ACOT8: variants seen among roughly 807,000 people sequenced by gnomAD.
ACOT8 encodes acyl-CoA thioesterase 8, also known as acyl-coenzyme A thioesterase 8.
Under a neutral mutation model 38.4 loss-of-function variants are expected in ACOT8, and 31 were observed. The observed-to-expected ratio is 0.81, with a 90% CI of 0.61 to 1.09. The LOEUF is 1.09. Ranked by LOEUF, ACOT8 falls within the 50% of genes least tolerant of loss-of-function variation. The pLI, the probability that ACOT8 is intolerant of heterozygous loss-of-function variation, is 0.00. For synonymous variants in ACOT8, 158 were observed against 170.3 expected, an observed-to-expected ratio of 0.93 and a Z score of 0.56; for missense variants, 373 against 421.8, an observed-to-expected ratio of 0.88 and a Z score of 1.01.
At chr20:45,843,320 T>C (rs1320730178) in intron 5 of ACOT8, 1 of 781,818 alleles carries the variant, frequency 1.3e-6, no homozygotes, top group Admixed American at 2.0e-5. Context: ...GAATCACATT[T>C]CCAGCACATT....
intron 2 of ACOT8, among the ~76,000 whole-genome samples, chr20:45,853,044 C>T (rs1985165731): frequency 6.6e-6 from 1 of 152,250 alleles, no homozygotes; most frequent in South Asian, 2.1e-4. Context: ...GCTAGGATTA[C>T]AGGCATGAGC....
intron 2 of ACOT8, among the ~76,000 whole-genome samples, chr20:45,854,360 C>T (rs753781018): frequency 6.6e-6 from 1 of 150,510 alleles, no homozygotes; most frequent in Admixed American, 6.6e-5. Flanking sequence ...CAGGCACCCA[C>T]CACCACACCT....
At chr20:45,843,196 C>A in intron 5 of ACOT8, 1 of 493,064 alleles carries the variant, frequency 2.0e-6, no homozygotes, top group Middle Eastern at 6.9e-4. Context: ...TGTAATGTAA[C>A]CCTCTTTGTT....
chr20:45,843,868 G>C, intron 4 of ACOT8, 147 bp from the exon 5 acceptor site: 1 of 1,423,638 alleles, frequency 7.0e-7, no homozygotes, highest in Non-Finnish European at 9.2e-7. Context: ...GTGTGTGATA[G>C]GGGAGAAGTG....
chr20:45,842,670 A>G (rs1293354889), intron 5 of ACOT8: 1 of 989,540 alleles, frequency 1.0e-6, no homozygotes, highest in Non-Finnish European at 1.2e-6. Flanking sequence ...CAGTTCTCAC[A>G]GTAGCCAAAT....
At chr20:45,855,102 C>T in intron 2 of ACOT8, 57 bp downstream of exon 2, 1 of 1,600,994 alleles carries the variant, frequency 6.2e-7, no homozygotes. Flanking sequence ...GCCCCCAAGG[C>T]CAGAAATGGC....
At position 45,851,966 on chromosome 20, in the gene ACOT8, T is replaced by C. The variant is rs1234008521; in HGVS notation, c.262+3193A>G. Among the ~76,000 whole-genome samples the C allele has an allele frequency of 2.0e-5, 3 of 152,154 alleles. No individual in the cohort carries two copies. In the South Asian group the frequency reaches 6.2e-4, roughly 31 times the overall value. ...CCCTCCCCCATAACATCTTTTATTTTTAAAATGTAATTGAAACATCTCTTT... is the reference window on the plus strand; with the variant it reads ...CCCTCCCCCATAACATCTTTTATTTCTAAAATGTAATTGAAACATCTCTTT... On this transcript the variant is annotated intron_variant, in intron 2 of 5. Coordinates refer to ENST00000217455, the MANE Select transcript of ACOT8 (RefSeq NM_005469.4).
intron 2 of ACOT8, among the ~76,000 whole-genome samples, chr20:45,850,625 A>G (rs1394177896): frequency 6.6e-6 from 1 of 152,198 alleles, no homozygotes; most frequent in Non-Finnish European, 1.5e-5. Context: ...TTGGTCCTTC[A>G]CTGTCAGGTG....
chr20:45,844,407 G>A lies in ACOT8; in HGVS notation c.502C>T (p.Gln168Ter). ...IDQYLRDPNL[Q>*]KRYPLALNRI... ...TTGAGCGCCAATGGGTACCTCTTTTGGAGGTTAGGGTCCCTGAAAGTAAAG... is the reference window on the plus strand; with the variant it reads ...TTGAGCGCCAATGGGTACCTCTTTTAGAGGTTAGGGTCCCTGAAAGTAAAG... The change falls in exon 4 of 6, where the codon CAA becomes TAA. Residue 168 changes from glutamine to a stop codon, truncating the protein, a stop_gained. Coordinates refer to ENST00000217455, the MANE Select transcript of ACOT8 (RefSeq NM_005469.4). LOFTEE classifies it high-confidence loss of function. The A allele has an allele frequency of 6.2e-7, 1 of 1,614,000 alleles. No homozygotes were observed. Among genetic ancestry groups the A allele is most frequent in the Non-Finnish European group, 8.5e-7 (1 of 1,179,982 alleles).
intron 5 of ACOT8, chr20:45,843,072 C>T (rs1601086948): frequency 8.6e-7 from 1 of 1,158,328 alleles, no homozygotes; most frequent in East Asian, 6.0e-5. Flanking sequence ...ATACAGTTTC[C>T]TGGACCTTAT....
chr20:45,857,217 G>A lies in ACOT8; in HGVS notation c.99C>T (p.Asn33=). 6.2e-7 allele frequency: 1 copy of A among 1,613,598 alleles called. No individual in the cohort carries two copies. The highest frequency in any genetic ancestry group is 8.5e-7 in the Non-Finnish European group (1 of 1,179,886). ...AGAGATCCTCGTCCAGCGGCTCGAG[G>A]TTGAGCACGGTCGTGACCAAGACGC... ...LRSVLVTTVL[N]LEPLDEDLFR... Residue 33 remains asparagine, a synonymous_variant, in exon 1 of 6, where the codon AAC becomes AAT. Coordinates refer to ENST00000217455, the MANE Select transcript of ACOT8 (RefSeq NM_005469.4).
chr20:45,845,232 G>C (rs1284621735), intron 3 of ACOT8, among the ~76,000 whole-genome samples: 5 of 152,264 alleles, frequency 3.3e-5, no homozygotes, highest in Admixed American at 3.3e-4. Context: ...GGGATTACAG[G>C]CGCCTGCCAC....
chr20:45,845,329 C>T (rs971436637), intron 3 of ACOT8, among the ~76,000 whole-genome samples: 6 of 151,960 alleles, frequency 3.9e-5, no homozygotes, highest in Non-Finnish European at 7.4e-5. Flanking sequence ...CCTCATGATC[C>T]GCCCGCCTCA....
chr20:45,845,065 C>T (rs1290284281), intron 3 of ACOT8, among the ~76,000 whole-genome samples: 1 of 152,052 alleles, frequency 6.6e-6, no homozygotes, highest in Non-Finnish European at 1.5e-5. Flanking sequence ...TAGAGGTGTA[C>T]GCCACTGTGC....
chr20:45,844,401 T>G lies in ACOT8; in HGVS notation c.508A>C (p.Arg170=), dbSNP rs1390877653. The G allele has an allele frequency of 6.2e-7, 1 of 1,613,894 alleles. No individual in the cohort carries two copies. Among genetic ancestry groups the G allele is most frequent in the African/African-American group, 1.3e-5 (1 of 74,886 alleles). ...ATTCGGTTGAGCGCCAATGGGTACC[T>G]CTTTTGGAGGTTAGGGTCCCTGAAA... ...QYLRDPNLQK[R]YPLALNRIAA... Residue 170 remains arginine (R), a synonymous_variant, in exon 4 of 6, where the codon AGG becomes CGG. Coordinates refer to ENST00000217455, the MANE Select transcript of ACOT8 (RefSeq NM_005469.4).
chr20:45,842,447 A>G, intron 5 of ACOT8: 1 of 1,074,822 alleles, frequency 9.3e-7, no homozygotes, highest in Non-Finnish European at 1.1e-6. Flanking sequence ...TGTATAATAA[A>G]TCAAGCCAGG....
chr20:45,854,457 G>A (rs1173044963), intron 2 of ACOT8, among the ~76,000 whole-genome samples: 4 of 152,100 alleles, frequency 2.6e-5, no homozygotes, highest in African/African-American at 7.2e-5. Flanking sequence ...TGATCCGCCC[G>A]CCTTGGCCTC....
chr20:45,843,095 G>A, intron 5 of ACOT8: 1 of 1,112,370 alleles, frequency 9.0e-7, no homozygotes, highest in Non-Finnish European at 1.1e-6. Context: ...AAGACCTACT[G>A]AGTGAGAATC....
chr20:45,854,113 T>C (rs1985244487), intron 2 of ACOT8: 1 of 560,156 alleles, frequency 1.8e-6, no homozygotes, highest in African/African-American at 2.0e-5. Context: ...TTGCCCTGGC[T>C]GGTCTTGAAT....
Sources: gnomAD v4.1 joint callset for allele counts (sites outside exome capture counted in the v4.1 genomes callset) on GRCh38, gnomAD v4.1.1 for gene constraint, MANE v1.5 for transcripts, NCBI Gene and HGNC (gene_info 2026-07-23, HGNC 2026-07-21) for gene names.